The following KCNJ16 variants were observed in gnomAD, a reference collection of about 807,000 sequenced individuals.
The protein encoded by KCNJ16 is potassium inwardly rectifying channel subfamily J member 16.
In KCNJ16, 15 loss-of-function variants were observed where a neutral mutation model predicts 18.5. The observed-to-expected ratio is 0.81, with a 90% CI of 0.54 to 1.25. The LOEUF (loss-of-function observed/expected upper bound fraction) is 1.25. Among genes scored for constraint, KCNJ16 ranks in the 50% most tolerant of loss-of-function variants. The probability of loss-of-function intolerance (pLI) is 0.00; values close to 1 mark genes in which losing one functional copy is unlikely to be tolerated. For missense variants in KCNJ16, 523 were observed against 525.7 expected, an observed-to-expected ratio of 0.99 and a Z score of 0.05; for synonymous variants, 174 against 186.5, an observed-to-expected ratio of 0.93 and a Z score of 0.55.
chr17:70,081,553 T>G (rs2071553505), intron 1 of KCNJ16, among the ~76,000 whole-genome samples: 1 of 152,068 alleles, frequency 6.6e-6, no homozygotes, highest in Non-Finnish European at 1.5e-5. Flanking sequence ...CAGGGCAAAG[T>G]TTTTATGCAT....
At chr17:70,099,305 G>A (rs2072520819) in intron 1 of KCNJ16, among the ~76,000 whole-genome samples, 1 of 152,114 alleles carries the variant, frequency 6.6e-6, no homozygotes, top group South Asian at 2.1e-4. Context: ...GGGTTAGAAG[G>A]TAAAGAAGCA....
At chr17:70,114,397 T>C (rs1455691535) in intron 2 of KCNJ16, among the ~76,000 whole-genome samples, 1 of 152,192 alleles carries the variant, frequency 6.6e-6, no homozygotes, top group Non-Finnish European at 1.5e-5. Context: ...GTTGGATTTC[T>C]GTTGGCATAC....
At chr17:70,095,767 A>C (rs2072330875) in intron 1 of KCNJ16, among the ~76,000 whole-genome samples, 1 of 152,036 alleles carries the variant, frequency 6.6e-6, no homozygotes. Flanking sequence ...CTGGATATCA[A>C]ATGTGGTACC....
Position 70,090,711 on chromosome 17 carries a change from A to G in KCNJ16, c.-299-9947A>G, listed in dbSNP as rs959149821. 2.6e-5 allele frequency among the ~76,000 whole-genome samples: 4 copies of G among 151,734 alleles called. No individual in the cohort carries two copies. The East Asian group carries it at 7.7e-4, about 29-fold the overall frequency. On this transcript the variant is annotated intron_variant, in intron 1 of 3. Transcript: ENST00000392671. ...TCACAATACGGCTAACCCACTCACA[A>G]TACCGCTAACCCACTCACAATATGG...
At chr17:70,118,674 T>C (rs1195768836) in intron 2 of KCNJ16, among the ~76,000 whole-genome samples, 1 of 151,976 alleles carries the variant, frequency 6.6e-6, no homozygotes, top group Non-Finnish European at 1.5e-5. Context: ...CTCACAATCG[T>C]AAAGACAGCA....
chr17:70,075,719 T>G (rs920638137), intron 1 of KCNJ16, among the ~76,000 whole-genome samples: 1 of 152,190 alleles, frequency 6.6e-6, no homozygotes, highest in Admixed American at 6.6e-5. Context: ...TGGAGTATTC[T>G]GCAATGTCTT....
intron 1 of KCNJ16, among the ~76,000 whole-genome samples, chr17:70,079,165 T>C (rs1395451449): frequency 6.6e-6 from 1 of 152,136 alleles, no homozygotes; most frequent in African/African-American, 2.4e-5. Flanking sequence ...GGCGGGCTGG[T>C]AGAAATTCTA....
At chr17:70,129,421 A>G (rs541317549) in intron 2 of KCNJ16, among the ~76,000 whole-genome samples, 3 of 152,338 alleles carry the variant, frequency 2.0e-5, no homozygotes, top group Admixed American at 6.5e-5. Flanking sequence ...TATTTCATCT[A>G]GTTAGTGTGA....
chr17:70,094,140 T>G (rs2072248573), intron 1 of KCNJ16, among the ~76,000 whole-genome samples: 1 of 152,224 alleles, frequency 6.6e-6, no homozygotes, highest in African/African-American at 2.4e-5. Context: ...GACAGCCCTG[T>G]GTTCTGAAGC....
In KCNJ16 at chr17:70,130,902, G is replaced by A. The variant is rs1239823472; in HGVS notation, c.-167G>A. 6 of 1,425,290 alleles carry A rather than the reference G, an allele frequency of 4.2e-6. No individual in the cohort carries two copies. In the Admixed American group the frequency reaches 7.9e-5, roughly 19 times the overall value. 88.3% of individuals were successfully genotyped at this position (1,425,290 alleles called of 1,614,324 possible). A position where few individuals can be genotyped will look rare whatever the true frequency, so the allele number is the denominator to read the frequency against. On this transcript the variant is annotated 5_prime_UTR_variant, in exon 3 of 4. An upstream start codon of the reference 5' UTR is lost. Transcript: ENST00000392671. Reference sequence around the variant, plus strand: ...AGGAGTAACTCAAGATGATTTTGATGTTGCAGTTTTAAATTTCACTTTGAC... The same window carrying A: ...AGGAGTAACTCAAGATGATTTTGATATTGCAGTTTTAAATTTCACTTTGAC...
intron 1 of KCNJ16, among the ~76,000 whole-genome samples, chr17:70,089,910 C>T (rs1467338000): frequency 6.6e-6 from 1 of 152,202 alleles, no homozygotes; most frequent in African/African-American, 2.4e-5. Context: ...TCCACCACTG[C>T]AGGTCTAAGT....
At position 70,133,518 on chromosome 17, in the gene KCNJ16, T is replaced by C. The variant is rs2074140071; in HGVS notation, c.*174T>C. The C allele has an allele frequency of 1.7e-6, 1 of 573,442 alleles. No individual in the cohort carries two copies. The highest frequency in any genetic ancestry group is 1.9e-5 in the African/African-American group (1 of 53,438). The allele number at this position is 573,442 out of a possible 1,614,324, so 35.5% of individuals were successfully genotyped here. A position where few individuals can be genotyped will look rare whatever the true frequency, so the allele number is the denominator to read the frequency against. On this transcript the variant is annotated 3_prime_UTR_variant, in exon 4 of 4. Transcript: ENST00000392671. ...ATCTAAAAATTCCATAGTTCTCAGT[T>C]ATTAAAATTTTTCTTGTTCGCCAAT...
intron 2 of KCNJ16, among the ~76,000 whole-genome samples, chr17:70,118,194 C>A (rs541088066): frequency 1.4e-5 from 2 of 144,942 alleles, no homozygotes; most frequent in Admixed American, 1.3e-4. Flanking sequence ...TGATTTAAAC[C>A]TGTTTTAAAG....
rs949249443 is a variant in KCNJ16 at position 70,095,983 on chromosome 17, C to T, written c.-299-4675C>T. 4.0e-5 allele frequency among the ~76,000 whole-genome samples: 6 copies of T among 149,282 alleles called. No homozygotes were observed. The East Asian group carries it at 1.2e-3, about 30-fold the overall frequency. ...CTGCAAGCTCCGCCTCCCGGGTTCA[C>T]ACCATTCTCCTGCCTCAGCCTCCCG... is the stretch of plus-strand genomic sequence containing the variant. On this transcript the variant is annotated intron_variant, in intron 1 of 3. Coordinates refer to ENST00000392671, the MANE Select transcript of KCNJ16 (RefSeq NM_170741.4).
chr17:70,109,671 C>A (rs1466608363), intron 2 of KCNJ16, among the ~76,000 whole-genome samples: 3 of 152,108 alleles, frequency 2.0e-5, no homozygotes, highest in African/African-American at 7.2e-5. Context: ...ACAGTCATAG[C>A]TGGATGCGTC....
intron 2 of KCNJ16, among the ~76,000 whole-genome samples, chr17:70,106,216 A>G (rs2072915979): frequency 6.6e-6 from 1 of 152,110 alleles, no homozygotes; most frequent in African/African-American, 2.4e-5. Flanking sequence ...ATGGCTCAAA[A>G]TTATTTTTTT....
chr17:70,105,532 G>A (rs2072884223), intron 2 of KCNJ16, among the ~76,000 whole-genome samples: 1 of 152,114 alleles, frequency 6.6e-6, no homozygotes, highest in Non-Finnish European at 1.5e-5. Context: ...TTGAAACTGT[G>A]TAATAAAATA....
At chr17:70,077,317 C>T (rs1263376728) in intron 1 of KCNJ16, among the ~76,000 whole-genome samples, 1 of 152,114 alleles carries the variant, frequency 6.6e-6, no homozygotes, top group Admixed American at 6.6e-5. Context: ...AGTGGAGAGA[C>T]AGTGAGGAGT....
chr17:70,095,623 T>C (rs1398094181), intron 1 of KCNJ16, among the ~76,000 whole-genome samples: 1 of 152,196 alleles, frequency 6.6e-6, no homozygotes, highest in East Asian at 1.9e-4. Context: ...TTGCAAGCTC[T>C]GGATAAATAA....
Sources: allele counts gnomAD v4.1 joint callset (sites outside exome capture counted in the v4.1 genomes callset), GRCh38; gene constraint gnomAD v4.1.1; transcripts MANE v1.5; gene names NCBI Gene and HGNC (gene_info 2026-07-23, HGNC 2026-07-21).